Variants in ELP4 observed in about 807,000 individuals in gnomAD.
ELP4 encodes the protein elongator acetyltransferase complex subunit 4.
A neutral mutation model predicts 48.9 loss-of-function variants in ELP4; 51 were observed. The observed-to-expected ratio is 1.04, with a 90% CI of 0.83 to 1.32. ELP4 has a LOEUF of 1.32. Among genes scored for constraint, ELP4 ranks in the 40% most tolerant of loss-of-function variants. The probability of loss-of-function intolerance (pLI) is 0.00; values close to 1 mark genes in which losing one functional copy is unlikely to be tolerated. For synonymous variants in ELP4, 210 were observed against 189.2 expected (o/e 1.11, Z -0.90); for missense variants, 519 against 514.6 (o/e 1.01, Z -0.08).
At chr11:31,548,722 C>G (rs1408208583) in intron 3 of ELP4, among the ~76,000 whole-genome samples, 2 of 152,132 alleles carry the variant, frequency 1.3e-5, no homozygotes, top group Non-Finnish European at 2.9e-5. Context: ...ATCATGCTAC[C>G]TGACTTCAAA....
At chr11:31,728,728 TAAAC>T (rs1201697437) in intron 9 of ELP4, among the ~76,000 whole-genome samples, 1 of 152,206 alleles carries the variant, frequency 6.6e-6, no homozygotes, top group Non-Finnish European at 1.5e-5. Flanking sequence ...TAGATCATCA[TAAAC>T]AAACAAGATA....
chr11:31,601,016 T>A (rs1957770508), intron 4 of ELP4, among the ~76,000 whole-genome samples: 1 of 152,184 alleles, frequency 6.6e-6, no homozygotes, highest in Non-Finnish European at 1.5e-5. Context: ...TTTATGAACG[T>A]GAATTAGAAG....
intron 9 of ELP4, among the ~76,000 whole-genome samples, chr11:31,729,770 T>G (rs991929182): frequency 2.6e-5 from 4 of 152,204 alleles, no homozygotes; most frequent in African/African-American, 9.6e-5. Context: ...TGACACAGCT[T>G]GAATGAAAGC....
intron 3 of ELP4, among the ~76,000 whole-genome samples, chr11:31,575,819 C>A (rs1275051280): frequency 6.6e-6 from 1 of 152,168 alleles, no homozygotes; most frequent in East Asian, 1.9e-4. Flanking sequence ...ACAACCGGTA[C>A]TAGCCACTGC....
chr11:31,606,519 A>T (rs1216475196), intron 5 of ELP4, among the ~76,000 whole-genome samples: 1 of 152,188 alleles, frequency 6.6e-6, no homozygotes, highest in Non-Finnish European at 1.5e-5. Flanking sequence ...AATTTACAGT[A>T]ACTAATTTAA....
intron 9 of ELP4, among the ~76,000 whole-genome samples, chr11:31,732,410 CA>C (rs1056326233): frequency 8.1e-5 from 10 of 123,702 alleles, no homozygotes; most frequent in Non-Finnish European, 1.5e-4. Flanking sequence ...ATGGTAACCA[CA>C]AAGAAAATAC....
At chr11:31,743,782 A>G (rs1176528711) in intron 9 of ELP4, among the ~76,000 whole-genome samples, 2 of 152,218 alleles carry the variant, frequency 1.3e-5, no homozygotes, top group Non-Finnish European at 2.9e-5. Context: ...CTAAATGCCC[A>G]CAAAAGAAAG....
chr11:31,610,992 G>A (rs968252138), intron 5 of ELP4, among the ~76,000 whole-genome samples: 3 of 152,172 alleles, frequency 2.0e-5, no homozygotes, highest in Non-Finnish European at 2.9e-5. Flanking sequence ...TCTTCAAAAT[G>A]TATCCAAATA....
At chr11:31,590,423 A>G (rs555693645) in intron 3 of ELP4, among the ~76,000 whole-genome samples, 7 of 152,336 alleles carry the variant, frequency 4.6e-5, no homozygotes, top group Non-Finnish European at 8.8e-5. Context: ...TTCACTTTCA[A>G]TGTATCAAAG....
intron 9 of ELP4, among the ~76,000 whole-genome samples, chr11:31,741,696 G>T (rs1464879428): frequency 5.9e-5 from 9 of 152,208 alleles, no homozygotes; most frequent in Admixed American, 5.9e-4. Flanking sequence ...CTGTCTGTTA[G>T]AAGGAAAACT....
At chr11:31,650,257 A>C in intron 9 of ELP4, 36 bp downstream of exon 9, 1 of 679,732 alleles carries the variant, frequency 1.5e-6, no homozygotes. Context: ...TACAATCTTG[A>C]GATAAACTTA....
chr11:31,602,584 A>G (rs532291908), intron 4 of ELP4, among the ~76,000 whole-genome samples: 2 of 152,098 alleles, frequency 1.3e-5, no homozygotes, highest in East Asian at 3.9e-4. Context: ...TGAAAAAAGT[A>G]TTTCTATTAG....
At chr11:31,757,399 A>G (rs190924081) in intron 9 of ELP4, among the ~76,000 whole-genome samples, 3 of 151,934 alleles carry the variant, frequency 2.0e-5, no homozygotes, top group Admixed American at 6.5e-5. Flanking sequence ...TGCATCTACC[A>G]TGCCAAGCAT....
At chr11:31,589,334 A>G (rs1247231081) in intron 3 of ELP4, among the ~76,000 whole-genome samples, 1 of 152,230 alleles carries the variant, frequency 6.6e-6, no homozygotes, top group East Asian at 1.9e-4. Flanking sequence ...GATTATACAT[A>G]CATGAAATGT....
chr11:31,628,436 T>TAC (rs55801807), intron 6 of ELP4: 7,620 of 147,872 alleles, frequency 0.052, 204 homozygotes, highest in African/African-American at 0.064. Context: ...GCAAAAGGAA[T>TAC]ACACACACAC....
At chr11:31,532,551 A>G (rs755410713) in intron 2 of ELP4, among the ~76,000 whole-genome samples, 44 of 152,162 alleles carry the variant, frequency 2.9e-4, no homozygotes, top group Non-Finnish European at 4.7e-4. Context: ...ACATATCCCT[A>G]CTTTAAGTAG....
At chr11:31,571,482 C>T (rs941704479) in intron 3 of ELP4, among the ~76,000 whole-genome samples, 1 of 152,194 alleles carries the variant, frequency 6.6e-6, no homozygotes, top group African/African-American at 2.4e-5. Context: ...GAATCAACTT[C>T]TCCCAAACTC....
chr11:31,570,728 T>A lies in ELP4; in HGVS notation c.382-24042T>A, dbSNP rs140361817. Among the ~76,000 whole-genome samples the A allele has an allele frequency of 4.0e-3, 593 of 149,916 alleles. 4 individuals carry two copies. The highest frequency in any genetic ancestry group is 6.5e-3 in the Non-Finnish European group (438 of 67,468). On this transcript the variant is annotated intron_variant, in intron 3 of 9. Coordinates refer to ENST00000640961, the MANE Select transcript of ELP4 (RefSeq NM_019040.5). ...ACCTCAAGCAAGTGATCCACTCGCC[T>A]CGGCCTCCCAAAGTGCTGGTATGAG...
chr11:31,781,939 TTTAA>T (rs1466446682), intron 9 of ELP4, among the ~76,000 whole-genome samples: 6 of 152,194 alleles, frequency 3.9e-5, no homozygotes, highest in Non-Finnish European at 8.8e-5. Context: ...GAAATAGATA[TTTAA>T]TTGCTTAATA....
Sources: allele counts gnomAD v4.1 joint callset (sites outside exome capture counted in the v4.1 genomes callset), GRCh38; gene constraint gnomAD v4.1.1; transcripts MANE v1.5; gene names NCBI Gene and HGNC (gene_info 2026-07-23, HGNC 2026-07-21).